The following ANKRD1 variants were observed in gnomAD, a reference collection of about 807,000 sequenced individuals.
ANKRD1 encodes the protein ankyrin repeat domain-containing protein 1.
Under a neutral mutation model 40.1 loss-of-function variants are expected in ANKRD1, and 32 were observed. The observed-to-expected ratio is 0.80, with a 90% CI of 0.60 to 1.07. The LOEUF is 1.07. Ranked by LOEUF, ANKRD1 falls within the 50% of genes least tolerant of loss-of-function variation. The pLI, the probability that ANKRD1 is intolerant of heterozygous loss-of-function variation, is 0.00. For missense variants in ANKRD1, 359 were observed against 386.0 expected (o/e 0.93, Z 0.59); for synonymous variants, 149 against 141.2 (o/e 1.06, Z -0.39).
At position 90,918,854 on chromosome 10, in the gene ANKRD1, A is replaced by C. The variant is rs770964561; in HGVS notation, c.453+11T>G. ...TGAGCTGGATTTTGCAGTGCTTTGCATGAGTCTTACCTCATCACAAACATC... is the reference window on the plus strand; with the variant it reads ...TGAGCTGGATTTTGCAGTGCTTTGCCTGAGTCTTACCTCATCACAAACATC... On this transcript the variant is annotated intron_variant, in intron 4 of 8. Transcript: ENST00000371697. The C allele has an allele frequency of 2.0e-5, 32 of 1,589,750 alleles. No homozygotes were observed. In the South Asian group the frequency reaches 3.5e-4, roughly 18 times the overall value.
In ANKRD1 at chr10:90,917,716, A is replaced by G. The variant is rs1389829940; in HGVS notation, c.552+16T>C. The G allele has an allele frequency of 1.2e-6, 2 of 1,610,662 alleles. No homozygotes were observed. The highest frequency in any genetic ancestry group is 1.7e-5 in the Admixed American group (1 of 60,014). On this transcript the variant is annotated intron_variant, in intron 5 of 8. Coordinates refer to ENST00000371697, the MANE Select transcript of ANKRD1 (RefSeq NM_014391.3). ...TACTTCTTTTGGCTCATTCCCAAGC[A>G]AAGAAATATATTTACCATATCACGG...
At chr10:90,916,026 G>A (rs964047285) in intron 6 of ANKRD1, 145 bp downstream of exon 6, 19 of 590,224 alleles carry the variant, frequency 3.2e-5, no homozygotes, top group Admixed American at 7.0e-5. Context: ...GAGAGGCGAG[G>A]TTAGGAGATG....
rs1847332483 is a variant in ANKRD1 at position 90,912,925 on chromosome 10, C to G, written c.901G>C (p.Ala301Pro). ...LVLHWQNGTK[A>P]IFDSLRENSY... ...TTCTCTCTGAGGCTGTCGAATATTG[C>G]TTTGGTTCCATTCTGCCAGTGTAGC... is the stretch of plus-strand genomic sequence containing the variant. The change falls in exon 9 of 9, where the codon GCA (alanine) becomes CCA (proline). Residue 301 changes from alanine (A) to proline (P), a missense_variant. Transcript: ENST00000371697. 6.2e-7 allele frequency: 1 copy of G among 1,613,984 alleles called. No individual in the cohort carries two copies. Among genetic ancestry groups the G allele is most frequent in the Non-Finnish European group, 8.5e-7 (1 of 1,179,968 alleles).
At chr10:90,919,102 T>C (rs1208099330) in intron 3 of ANKRD1, 29 bp downstream of exon 3, 2 of 1,612,238 alleles carry the variant, frequency 1.2e-6, no homozygotes, top group Non-Finnish European at 1.7e-6. Context: ...TGGACATGTA[T>C]TACTGGAAAC....
intron 4 of ANKRD1, 125 bp from the exon 5 acceptor site, chr10:90,917,955 G>T: frequency 1.4e-6 from 1 of 731,344 alleles, no homozygotes; most frequent in Non-Finnish European, 2.3e-6. Context: ...GCTTCTTTAT[G>T]AATAGAAATG....
Position 90,919,119 on chromosome 10 carries a change from A to C in ANKRD1, c.345+12T>G. On this transcript the variant is annotated intron_variant, in intron 3 of 8. Transcript: ENST00000371697. ...GACATGTATTACTGGAAACCAAAAA[A>C]AAAGCCCTTACAATGATTTCAGGTT... The C allele has an allele frequency of 6.2e-7, 1 of 1,612,894 alleles. No homozygotes were observed. The highest frequency in any genetic ancestry group is 1.7e-4 in the Middle Eastern group (1 of 6,058).
At chr10:90,914,725 C>G (rs868090494) in intron 8 of ANKRD1, among the ~76,000 whole-genome samples, 2 of 116,974 alleles carry the variant, frequency 1.7e-5, no homozygotes, top group East Asian at 2.8e-4. Context: ...TTCCCTCCCC[C>G]CCCCCCCACT....
At position 90,918,833 on chromosome 10, in the gene ANKRD1, C is replaced by A. The variant is rs748393816; in HGVS notation, c.453+32G>T. 5 of 1,500,110 alleles carry A rather than the reference C, an allele frequency of 3.3e-6. No homozygotes were observed. The African/African-American group carries it at 5.7e-5, about 17-fold the overall frequency. 92.9% of individuals were successfully genotyped at this position (1,500,110 alleles called of 1,614,324 possible). The stretch of plus-strand genomic sequence containing the variant: ...GCATAAGAAACATAAAATTAATGAG[C>A]TGGATTTTGCAGTGCTTTGCATGAG... On this transcript the variant is annotated intron_variant, in intron 4 of 8. Transcript: ENST00000371697.
Position 90,917,714 on chromosome 10 carries a change from G to A in ANKRD1, c.552+18C>T, listed in dbSNP as rs373263720. ...TCTACTTCTTTTGGCTCATTCCCAA[G>A]CAAAGAAATATATTTACCATATCAC... is the stretch of plus-strand genomic sequence containing the variant. On this transcript the variant is annotated intron_variant, in intron 5 of 8. Transcript: ENST00000371697. 7 of 1,606,876 alleles carry A rather than the reference G, an allele frequency of 4.4e-6. No homozygotes were observed. Among genetic ancestry groups the A allele is most frequent in the Non-Finnish European group, 6.0e-6 (7 of 1,173,772 alleles).
At position 90,919,204 on chromosome 10, in the gene ANKRD1, A is replaced by G. The variant is rs1847406250; in HGVS notation, c.272T>C (p.Ile91Thr). The G allele has an allele frequency of 6.2e-7, 1 of 1,611,702 alleles. No homozygotes were observed. Among genetic ancestry groups the G allele is most frequent in the East Asian group, 2.2e-5 (1 of 44,746 alleles). Residue 91 changes from isoleucine to threonine, a missense_variant, in exon 3 of 9, where the codon ATT (isoleucine) becomes ACT (threonine). Coordinates refer to ENST00000371697, the MANE Select transcript of ANKRD1 (RefSeq NM_014391.3). ...GTATTTTTTCCTTTTCTTCAGTTGA[A>G]TGATTATTTCAAGGTCTTCTAAATT... The part of the protein sequence containing the change: ...LENLEDLEII[I>T]QLKKRKKYRK...
intron 4 of ANKRD1, 47 bp from the exon 5 acceptor site, chr10:90,917,877 TG>T: frequency 6.7e-7 from 1 of 1,503,190 alleles, no homozygotes. Context: ...AATATAAAAA[TG>T]TGTGTAAACC....
chr10:90,917,780 A>G lies in ANKRD1; in HGVS notation c.504T>C (p.Ile168=), dbSNP rs778653977. 12 of 1,613,940 alleles carry G rather than the reference A, an allele frequency of 7.4e-6. No individual in the cohort carries two copies. Among genetic ancestry groups the G allele is most frequent in the Admixed American group, 5.0e-5 (3 of 60,008 alleles). Reference sequence around the variant, plus strand: ...CTCCAGCTTCCATTAACTTCTCCACAATTGCCAAATGTCCTTCCAAGCATG... The same window carrying G: ...CTCCAGCTTCCATTAACTTCTCCACGATTGCCAAATGTCCTTCCAAGCATG... ...HRACLEGHLA[I]VEKLMEAGAQ... is the part of the protein sequence containing the mutation. The change falls in exon 5 of 9, where the codon ATT becomes ATC. Residue 168 remains isoleucine, a synonymous_variant. Transcript: ENST00000371697.
Position 90,920,035 on chromosome 10 carries a change from C to T in ANKRD1, c.207+134G>A, listed in dbSNP as rs115542443. 419 of 1,228,190 alleles carry T rather than the reference C, an allele frequency of 3.4e-4. 2 individuals carry two copies. In the African/African-American group the frequency reaches 5.8e-3, roughly 17 times the overall value. The allele number at this position is 1,228,190 out of a possible 1,614,324, so 76.1% of individuals were successfully genotyped here. A position where few individuals can be genotyped will look rare whatever the true frequency, so the allele number is the denominator to read the frequency against. ...CCCAAAACCTGTTCCATACAAGTTG[C>T]CTCTTTACGGGTTAGAATCTGGTAA... On this transcript the variant is annotated intron_variant, in intron 2 of 8. Coordinates refer to ENST00000371697, the MANE Select transcript of ANKRD1 (RefSeq NM_014391.3).
At position 90,917,797 on chromosome 10, in the gene ANKRD1, C is replaced by T; in HGVS notation, c.487G>A (p.Glu163Lys). 6.2e-7 allele frequency: 1 copy of T among 1,614,020 alleles called. No individual in the cohort carries two copies. The highest frequency in any genetic ancestry group is 8.5e-7 in the Non-Finnish European group (1 of 1,179,946). ...KRTALHRACL[E>K]GHLAIVEKLM... ...TTCTCCACAATTGCCAAATGTCCTT[C>T]CAAGCATGCTCTATGAAGAGCTGTC... Residue 163 changes from glutamate (E) to lysine (K), a missense_variant, in exon 5 of 9, where the codon GAA becomes AAA. Transcript: ENST00000371697.
chr10:90,917,904 A>C (rs1394725392), intron 4 of ANKRD1, 74 bp from the exon 5 acceptor site: 28 of 1,246,622 alleles, frequency 2.2e-5, no homozygotes, highest in Non-Finnish European at 1.2e-6. Flanking sequence ...AAGAGCTATG[A>C]AGCTGGAGAT....
chr10:90,913,359 A>G (rs1219778533), intron 8 of ANKRD1, among the ~76,000 whole-genome samples: 1 of 152,304 alleles, frequency 6.6e-6, no homozygotes, highest in East Asian at 1.9e-4. Flanking sequence ...ATCAGTGCCT[A>G]TCCATTTGAA....
chr10:90,920,426 G>A, intron 1 of ANKRD1, 78 bp from the exon 2 acceptor site: 2 of 1,558,560 alleles, frequency 1.3e-6, no homozygotes, highest in South Asian at 2.2e-5. Flanking sequence ...GCCGCAGGAG[G>A]CTCTTGGTCC....
Position 90,915,580 on chromosome 10 carries a change from A to G in ANKRD1, c.812T>C (p.Leu271Pro). Reference sequence around the variant, plus strand: ...GTTGAGATCCGCGCCATACATAATCAGGAGTCGGATCATCTTATAGCGGTT... The same window carrying G: ...GTTGAGATCCGCGCCATACATAATCGGGAGTCGGATCATCTTATAGCGGTT... ...RLNRYKMIRLLIMYGADLNIK... is the reference protein window; with the variant it reads ...RLNRYKMIRLPIMYGADLNIK... The change falls in exon 8 of 9, where the codon CTG becomes CCG. Residue 271 changes from leucine to proline, a missense_variant. Leu to Pro is a moderately conservative substitution (Grantham distance 98). Coordinates refer to ENST00000371697, the MANE Select transcript of ANKRD1 (RefSeq NM_014391.3). 2 of 1,614,098 alleles carry G rather than the reference A, an allele frequency of 1.2e-6. No individual in the cohort carries two copies. Among genetic ancestry groups the G allele is most frequent in the Non-Finnish European group, 1.7e-6 (2 of 1,180,002 alleles).
intron 8 of ANKRD1, 94 bp downstream of exon 8, chr10:90,915,449 A>C (rs982890439): frequency 1.8e-6 from 2 of 1,115,598 alleles, no homozygotes; most frequent in East Asian, 5.0e-5. Flanking sequence ...AGACCCCTCA[A>C]ATACTGCCAT....
Sources: allele counts gnomAD v4.1 joint callset (sites outside exome capture counted in the v4.1 genomes callset), GRCh38; gene constraint gnomAD v4.1.1; transcripts MANE v1.5; gene names NCBI Gene and HGNC (gene_info 2026-07-23, HGNC 2026-07-21).